The following FBXW4 variants were observed in gnomAD, a reference collection of about 807,000 sequenced individuals.
FBXW4 encodes the protein F-box and WD repeat domain containing 4.
In FBXW4, 40 loss-of-function variants were observed where a neutral mutation model predicts 61.8. The observed-to-expected ratio is 0.65, with a 90% CI of 0.50 to 0.84. The LOEUF is 0.84. FBXW4 is among the 40% of genes least tolerant of loss of function. FBXW4 has a pLI of 0.00. For missense variants in FBXW4, 672 were observed against 753.8 expected (o/e 0.89, Z 1.27); for synonymous variants, 311 against 313.8 (o/e 0.99, Z 0.10).
Position 101,612,349 on chromosome 10 carries a change from C to T in FBXW4, c.1430G>A (p.Arg477His), listed in dbSNP as rs1339805734. 3.2e-6 allele frequency: 5 copies of T among 1,573,972 alleles called. No individual in the cohort carries two copies. Among genetic ancestry groups the T allele is most frequent in the East Asian group, 2.3e-5 (1 of 42,684 alleles). The change falls in exon 7 of 9, where the codon CGC (arginine) becomes CAC (histidine). Residue 477 changes from arginine (R) to histidine (H), a missense_variant. Physicochemically the swap from Arg to His is conservative, Grantham distance 29. Coordinates refer to ENST00000331272, the MANE Select transcript of FBXW4 (RefSeq NM_022039.4). ...YDTYVRYWDL[R>H]TSVRKCVMEW... ...CCAGCACACTCACCGGACGCTGGTG[C>T]GGAGGTCCCAGTAGCGAACATAGGT...
At chr10:101,624,994 T>C (rs2063896613) in intron 5 of FBXW4, 184 bp from the exon 6 acceptor site, 1 of 670,404 alleles carries the variant, frequency 1.5e-6, no homozygotes, top group Non-Finnish European at 2.6e-6. Flanking sequence ...GTGAGGGGTG[T>C]AGCCCCCAGT....
At position 101,676,435 on chromosome 10, in the gene FBXW4, T is replaced by A. The variant is rs1335538649; in HGVS notation, c.727A>T (p.Met243Leu). The change falls in exon 2 of 9, where the codon ATG (methionine) becomes TTG (leucine). Residue 243 changes from methionine to leucine, a missense_variant and splice_region_variant. Met to Leu is a conservative substitution (Grantham distance 15). Around this residue, in one of 5 missense-constraint regions of FBXW4, gnomAD observed 311 missense variants for 301.1 expected, o/e 1.03. Coordinates refer to ENST00000331272, the MANE Select transcript of FBXW4 (RefSeq NM_022039.4). ...SGFTRLGTDL[M>L]TSVPVKERVK... ...CGTTCCTTCACTGGGACACTGGTCA[T>A]CCTATGTCCAGACAGAACAGATAAT... The A allele has an allele frequency of 2.5e-6, 4 of 1,611,602 alleles. No individual in the cohort carries two copies. The African/African-American group carries it at 5.3e-5, about 22-fold the overall frequency.
rs1564899619 is a variant in FBXW4 at position 101,611,874 on chromosome 10, C to T, written c.1443-105G>A. 2.7e-5 allele frequency: 36 copies of T among 1,328,410 alleles called. No homozygotes were observed. The highest frequency in any genetic ancestry group is 9.9e-5 in the East Asian group (4 of 40,384). 82.3% of individuals were successfully genotyped at this position (1,328,410 alleles called of 1,614,324 possible). On this transcript the variant is annotated intron_variant, in intron 7 of 8. Coordinates refer to ENST00000331272, the MANE Select transcript of FBXW4 (RefSeq NM_022039.4). The surrounding 1 kb of genome is among the most constrained non-coding windows in gnomAD (Gnocchi z 4.9). Reference sequence around the variant, plus strand: ...TGAGGGGAGCGTTAAGGAGCCATTCCGGGATGGAAGAGAAAGAAGCCTAAA... The same window carrying T: ...TGAGGGGAGCGTTAAGGAGCCATTCTGGGATGGAAGAGAAAGAAGCCTAAA...
At chr10:101,642,482 T>A (rs1276953220) in intron 5 of FBXW4, among the ~76,000 whole-genome samples, 1 of 151,854 alleles carries the variant, frequency 6.6e-6, no homozygotes, top group Admixed American at 6.6e-5. Context: ...ATGCAGAGCC[T>A]GCCACAGTGA....
chr10:101,679,181 C>T (rs1011728893), intron 1 of FBXW4, among the ~76,000 whole-genome samples: 2 of 152,116 alleles, frequency 1.3e-5, no homozygotes, highest in African/African-American at 4.8e-5. Flanking sequence ...AACACCTGGC[C>T]TCAAGCAATC....
chr10:101,628,028 T>C (rs2134823288), intron 5 of FBXW4: 2 of 972,236 alleles, frequency 2.1e-6, no homozygotes, highest in African/African-American at 3.5e-5. Context: ...CAGATTCTCG[T>C]CACATCCCTC....
intron 1 of FBXW4, among the ~76,000 whole-genome samples, chr10:101,683,321 G>A (rs919785671): frequency 6.6e-6 from 1 of 152,220 alleles, no homozygotes; most frequent in African/African-American, 2.4e-5. Flanking sequence ...ACCTGGCCCC[G>A]TGGGCCTGGC....
chr10:101,690,812 A>T (rs561984486), intron 1 of FBXW4, among the ~76,000 whole-genome samples: 2 of 152,330 alleles, frequency 1.3e-5, no homozygotes, highest in South Asian at 4.2e-4. Context: ...AGGACAGGTG[A>T]GAGAAACGAA....
chr10:101,624,506 ATTG>A (rs1280005192), intron 6 of FBXW4, among the ~76,000 whole-genome samples: 1 of 152,348 alleles, frequency 6.6e-6, no homozygotes, highest in African/African-American at 2.4e-5. Flanking sequence ...ATAAATCCAA[ATTG>A]TTGTTGTTAT....
At chr10:101,650,555 C>G (rs1003220553) in intron 5 of FBXW4, among the ~76,000 whole-genome samples, 1 of 152,194 alleles carries the variant, frequency 6.6e-6, no homozygotes, top group East Asian at 1.9e-4. Context: ...TAGAACTAAC[C>G]GCCCCCCTCA....
At chr10:101,617,598 C>G (rs2063835569) in intron 6 of FBXW4, among the ~76,000 whole-genome samples, 1 of 152,244 alleles carries the variant, frequency 6.6e-6, no homozygotes, top group East Asian at 1.9e-4. Context: ...CCCCAGCACC[C>G]ACCCACGCAC....
At chr10:101,664,740 C>A (rs1353448392) in intron 5 of FBXW4, among the ~76,000 whole-genome samples, 2 of 152,216 alleles carry the variant, frequency 1.3e-5, no homozygotes, top group Non-Finnish European at 2.9e-5. Context: ...TTCTGGTTGA[C>A]ATTACATTAT....
At chr10:101,617,265 G>A (rs75972556) in intron 6 of FBXW4, among the ~76,000 whole-genome samples, 22,724 of 152,128 alleles carry the variant, frequency 0.15, 2,194 homozygotes, top group Non-Finnish European at 0.21. Context: ...AGATCTATAT[G>A]CTTCAGGGTG....
At chr10:101,620,785 G>C (rs182327566) in intron 6 of FBXW4, among the ~76,000 whole-genome samples, 3 of 152,236 alleles carry the variant, frequency 2.0e-5, no homozygotes, top group Admixed American at 2.0e-4. Context: ...GCTAATCACT[G>C]TCTCATACCT....
intron 6 of FBXW4, among the ~76,000 whole-genome samples, chr10:101,623,201 C>A (rs1232187173): frequency 6.6e-6 from 1 of 152,078 alleles, no homozygotes; most frequent in Non-Finnish European, 1.5e-5. Context: ...GCAGACAGAT[C>A]GCTTGAGCCC....
intron 6 of FBXW4, among the ~76,000 whole-genome samples, chr10:101,614,094 A>C (rs971451591): frequency 6.6e-6 from 1 of 152,162 alleles, no homozygotes; most frequent in Admixed American, 6.5e-5. Context: ...TAGGGGAGTC[A>C]TTCTCTCTCT....
intron 1 of FBXW4, among the ~76,000 whole-genome samples, chr10:101,693,898 G>C (rs1296573042): frequency 1.3e-5 from 2 of 152,080 alleles, no homozygotes; most frequent in African/African-American, 2.4e-5. Context: ...CTTAAGGTCC[G>C]AGCCCTGAAG....
chr10:101,611,710 TCTGTCTGCAGGCAGTACA>T lies in FBXW4; in HGVS notation c.1484_1501del (p.Leu495_Asp501delinsHis). ...ACCTGTGGCCAGCAGGTGGTTGCCA[TCTGTCTGCAGGCAGTACA>T]GGGTGCTGTCGTGGGGCTCCTCCCA... On this transcript the variant is annotated inframe_deletion, in exon 8 of 9. Coordinates refer to ENST00000331272, the MANE Select transcript of FBXW4 (RefSeq NM_022039.4). This position sits in a 1 kb window ranked among gnomAD's most constrained non-coding sequence, Gnocchi z 4.9. 1 of 1,614,134 alleles carries T rather than the reference TCTGTCTGCAGGCAGTACA, an allele frequency of 6.2e-7. No homozygotes were observed. The highest frequency in any genetic ancestry group is 1.1e-5 in the South Asian group (1 of 91,084).
At chr10:101,628,117 A>G (rs1159257902) in intron 5 of FBXW4, 1 of 312,010 alleles carries the variant, frequency 3.2e-6, no homozygotes, top group Non-Finnish European at 4.7e-6. Flanking sequence ...AACGTGTATC[A>G]TTCCCTCCGT....
Sources: allele counts gnomAD v4.1 joint callset (sites outside exome capture counted in the v4.1 genomes callset), GRCh38; gene constraint gnomAD v4.1.1; regional missense constraint gnomAD v4.1.1; non-coding constraint Gnocchi (gnomAD v3.1); transcripts MANE v1.5; gene names NCBI Gene and HGNC (gene_info 2026-07-23, HGNC 2026-07-21).